SBF2: variants seen among roughly 807,000 people sequenced by gnomAD.
SBF2 encodes myotubularin-related protein 13.
In SBF2, 112 loss-of-function variants were observed where a neutral mutation model predicts 225.2. That is an observed-to-expected ratio of 0.50 (90% CI 0.43 to 0.58). The LOEUF is 0.58. SBF2 is among the 20% of genes least tolerant of loss of function. The probability of loss-of-function intolerance (pLI) is 0.00; values close to 1 mark genes in which losing one functional copy is unlikely to be tolerated. For missense variants in SBF2, 1,996 were observed against 2,206.2 expected (o/e 0.90, Z 1.91); for synonymous variants, 763 against 773.3 (o/e 0.99, Z 0.22).
upstream of SBF2, among the ~76,000 whole-genome samples, chr11:10,297,985 G>A (rs1964563682): frequency 6.6e-6 from 1 of 152,266 alleles, no homozygotes; most frequent in Non-Finnish European, 1.5e-5. Flanking sequence ...GAGAGAGAGA[G>A]TAAAGCAAGC....
At chr11:9,943,443 A>G (rs1865396801) in intron 16 of SBF2, among the ~76,000 whole-genome samples, 1 of 152,162 alleles carries the variant, frequency 6.6e-6, no homozygotes, top group Non-Finnish European at 1.5e-5. Context: ...AGAAAAGACA[A>G]CCACAAACTA....
At chr11:10,151,810 T>A (rs560733263) in intron 2 of SBF2, among the ~76,000 whole-genome samples, 2 of 152,228 alleles carry the variant, frequency 1.3e-5, no homozygotes, top group Non-Finnish European at 2.9e-5. Flanking sequence ...TATATTTAAA[T>A]AGGTCTATTG....
chr11:10,129,296 G>T (rs1156660381), intron 2 of SBF2, among the ~76,000 whole-genome samples: 3 of 151,794 alleles, frequency 2.0e-5, no homozygotes, highest in Non-Finnish European at 4.4e-5. Flanking sequence ...CAGAGTCGGG[G>T]TTTCGTCCTG....
At chr11:9,804,907 C>G (rs1853709668) in intron 32 of SBF2, among the ~76,000 whole-genome samples, 1 of 152,124 alleles carries the variant, frequency 6.6e-6, no homozygotes, top group Admixed American at 6.5e-5. Context: ...TTCCTTCTCC[C>G]CCACTATCTT....
chr11:10,186,574 A>T (rs1956941574), intron 2 of SBF2, among the ~76,000 whole-genome samples: 1 of 152,166 alleles, frequency 6.6e-6, no homozygotes, highest in African/African-American at 2.4e-5. Context: ...CATCAACCCA[A>T]AAGCTCTCTG....
At chr11:10,244,111 G>A (rs1959516751) in intron 1 of SBF2, among the ~76,000 whole-genome samples, 3 of 152,154 alleles carry the variant, frequency 2.0e-5, no homozygotes, top group Admixed American at 6.5e-5. Flanking sequence ...CTCCTGGGAC[G>A]TAAACATAGG....
At chr11:10,287,875 G>T (rs1425754040) in intron 1 of SBF2, among the ~76,000 whole-genome samples, 1 of 152,192 alleles carries the variant, frequency 6.6e-6, no homozygotes. Context: ...AGTCAGGCGT[G>T]GAGTGGTGAG....
At chr11:9,987,079 T>C (rs1182488180) in intron 13 of SBF2, among the ~76,000 whole-genome samples, 1 of 152,162 alleles carries the variant, frequency 6.6e-6, no homozygotes, top group African/African-American at 2.4e-5. Flanking sequence ...TAATCCACCA[T>C]GATCAAGTGG....
At position 9,885,885 on chromosome 11, in the gene SBF2, C is replaced by T. The variant is rs780317189; in HGVS notation, c.1929+10058G>A. ...GACTCACACAGGACAACCTCCGTAG[C>T]GTTGCCCCCCAATCTTCTGGCATGA... On this transcript the variant is annotated intron_variant, in intron 17 of 39. Transcript: ENST00000256190. Among the ~76,000 whole-genome samples the T allele has an allele frequency of 2.6e-5, 4 of 152,268 alleles. No individual in the cohort carries two copies. The South Asian group carries it at 6.2e-4, about 24-fold the overall frequency.
intron 2 of SBF2, among the ~76,000 whole-genome samples, chr11:10,121,598 C>T (rs187675125): frequency 1.3e-5 from 2 of 152,292 alleles, no homozygotes; most frequent in African/African-American, 4.8e-5. Context: ...AGCTGATCCC[C>T]TATTTCACCT....
chr11:10,200,954 A>T (rs889652926), intron 1 of SBF2, among the ~76,000 whole-genome samples: 2 of 152,230 alleles, frequency 1.3e-5, no homozygotes, highest in African/African-American at 4.8e-5. Context: ...TGAGGATAAA[A>T]GTCTTGGTCA....
intron 2 of SBF2, among the ~76,000 whole-genome samples, chr11:10,063,858 C>CACACACAGAGAGAGAG (rs373423157): frequency 1.2e-4 from 16 of 136,230 alleles, no homozygotes; most frequent in East Asian, 4.4e-4. Context: ...CACACACACA[C>CACACACAGAGAGAGAG]AGAGAGAGAG....
chr11:9,781,408 TG>T (rs1320487469), intron 39 of SBF2, 98 bp downstream of exon 39: 2 of 1,512,424 alleles, frequency 1.3e-6, no homozygotes, highest in African/African-American at 2.7e-5. Context: ...GTCATCCATC[TG>T]TAGTCACCAC....
intron 17 of SBF2, among the ~76,000 whole-genome samples, chr11:9,869,610 A>G (rs1325819836): frequency 6.6e-6 from 1 of 152,248 alleles, no homozygotes; most frequent in African/African-American, 2.4e-5. Flanking sequence ...CCACATGATT[A>G]TCTCAATAGA....
At chr11:10,096,474 C>T in intron 2 of SBF2, among the ~76,000 whole-genome samples, 1 of 146,922 alleles carries the variant, frequency 6.8e-6, no homozygotes, top group East Asian at 2.0e-4. Flanking sequence ...TCTTACTTAT[C>T]TCTATTACTT....
intron 13 of SBF2, 126 bp from the exon 14 acceptor site, chr11:9,968,671 A>G: frequency 1.3e-6 from 1 of 796,250 alleles, no homozygotes. Context: ...TATACGCCAT[A>G]AAACATGAAG....
chr11:10,211,655 G>A (rs899829649), intron 1 of SBF2, among the ~76,000 whole-genome samples: 7 of 152,172 alleles, frequency 4.6e-5, no homozygotes, highest in African/African-American at 1.7e-4. Flanking sequence ...CCAGGATAAC[G>A]TACTGTGGGA....
intron 26 of SBF2, among the ~76,000 whole-genome samples, chr11:9,837,430 G>A (rs920948048): frequency 6.6e-6 from 1 of 152,170 alleles, no homozygotes; most frequent in Non-Finnish European, 1.5e-5. Flanking sequence ...TTTGCAAAAT[G>A]CTTATCTTTA....
At chr11:9,882,795 C>CAAAAAAAAAAAA (rs56699466) in intron 17 of SBF2, among the ~76,000 whole-genome samples, 1 of 90,096 alleles carries the variant, frequency 1.1e-5, no homozygotes, top group Admixed American at 1.6e-4. Flanking sequence ...GTGACAGAGT[C>CAAAAAAAAAAAA]AAAAAAAAAA....
Sources: allele counts gnomAD v4.1 joint callset (sites outside exome capture counted in the v4.1 genomes callset), GRCh38; gene constraint gnomAD v4.1.1; transcripts MANE v1.5; gene names NCBI Gene and HGNC (gene_info 2026-07-23, HGNC 2026-07-21).